Variants in NDUFS2 observed in about 807,000 individuals in gnomAD.
NDUFS2 encodes NADH:ubiquinone oxidoreductase core subunit S2.
A neutral mutation model predicts 69.6 loss-of-function variants in NDUFS2; 38 were observed. The ratio of observed to expected loss-of-function variants is 0.55; its 90% CI spans 0.42 to 0.72. The LOEUF is 0.72. Ranked by LOEUF, NDUFS2 falls within the 30% of genes least tolerant of loss-of-function variation. The probability of loss-of-function intolerance (pLI) is 0.00; values close to 1 mark genes in which losing one functional copy is unlikely to be tolerated. For synonymous variants in NDUFS2, 194 were observed against 211.2 expected, an observed-to-expected ratio of 0.92 and a Z score of 0.70; for missense variants, 468 against 595.0, an observed-to-expected ratio of 0.79 and a Z score of 2.22.
chr1:161,210,746 C>G lies in NDUFS2; in HGVS notation c.986+36C>G, dbSNP rs750694748. ...AATCCTTTCTTGGCTGATATTCCAGCTAGTTTCCCCTGCCTCACTCTTCTC... is the reference window on the plus strand; with the variant it reads ...AATCCTTTCTTGGCTGATATTCCAGGTAGTTTCCCCTGCCTCACTCTTCTC... On this transcript the variant is annotated intron_variant, in intron 9 of 13. Coordinates refer to ENST00000676972, the MANE Select transcript of NDUFS2 (RefSeq NM_001377299.1). 14 of 1,613,456 alleles carry G rather than the reference C, an allele frequency of 8.7e-6. No homozygotes were observed. The South Asian group carries it at 8.8e-5, about 10-fold the overall frequency.
intron 10 of NDUFS2, chr1:161,212,691 C>A: frequency 3.9e-6 from 2 of 511,832 alleles, no homozygotes; most frequent in Non-Finnish European, 6.8e-6. Flanking sequence ...TCCCAAGTAG[C>A]TGAGATTACA....
chr1:161,212,459 A>G lies in NDUFS2; in HGVS notation c.1095A>G (p.Pro365=), dbSNP rs6677859. 1.2e-6 allele frequency: 2 copies of G among 1,613,570 alleles called. No individual in the cohort carries two copies. The highest frequency in any genetic ancestry group is 2.7e-5 in the African/African-American group (2 of 75,008). Residue 365 remains proline (P), a synonymous_variant, in exon 10 of 14, where the codon CCA becomes CCG. Transcript: ENST00000676972. ...EIKVDDAKVS[P]PKRAEMKTSM... is the part of the protein sequence containing the mutation. ...AGGTTGATGATGCCAAAGTGTCTCC[A>G]CCTAAGCGAGCAGAGATGAAGGTTG...
At position 161,207,976 on chromosome 1, in the gene NDUFS2, ATTTTTTTTTTT is replaced by A. The variant is rs965466967; in HGVS notation, c.394-1202_394-1192del. Among the ~76,000 whole-genome samples, 8 of 88,780 alleles carry A rather than the reference ATTTTTTTTTTT, an allele frequency of 9.0e-5. 1 individual carries two copies. The highest frequency in any genetic ancestry group is 2.4e-4 in the African/African-American group (4 of 16,750). The allele number at this position is 88,780 out of a possible 152,430, so 58.2% of individuals were successfully genotyped here. On this transcript the variant is annotated intron_variant, in intron 3 of 13. Transcript: ENST00000676972. ...AGGCACGCACCACCATGCCTGGCTA[ATTTTTTTTTTT>A]TTTTTTTTTTTTTTGAGACGGAGTT...
intron 9 of NDUFS2, 114 bp from the exon 10 acceptor site, chr1:161,212,237 A>G: frequency 3.7e-6 from 5 of 1,343,318 alleles, no homozygotes; most frequent in Non-Finnish European, 5.3e-6. Context: ...GTACTTGGAG[A>G]AAAGAGTGGG....
At chr1:161,206,256 G>T in intron 2 of NDUFS2, 151 bp from the exon 3 acceptor site, 1 of 792,594 alleles carries the variant, frequency 1.3e-6, no homozygotes, top group South Asian at 1.5e-5. Flanking sequence ...CCATCTAAGA[G>T]TCCTCTTCCT....
At position 161,213,462 on chromosome 1, in the gene NDUFS2, T is replaced by C. The variant is rs775798239; in HGVS notation, c.1199T>C (p.Ile400Thr). ...QVPPGATYTA[I>T]EAPKGEFGVY... ...CCTCCAGGAGCCACATATACTGCCA[T>C]TGAGGCTCCCAAGGTAAGGAGAGGA... Residue 400 changes from isoleucine to threonine, a missense_variant, in exon 11 of 14, where the codon ATT (isoleucine) becomes ACT (threonine). By Grantham distance (89) the Ile-to-Thr change is moderately conservative. This residue lies in a region of NDUFS2 where 72 missense variants were observed against 118.9 expected (regional missense o/e 0.61). Coordinates refer to ENST00000676972, the MANE Select transcript of NDUFS2 (RefSeq NM_001377299.1). 1.2e-6 allele frequency: 2 copies of C among 1,609,964 alleles called. No individual in the cohort carries two copies. Among genetic ancestry groups the C allele is most frequent in the Admixed American group, 1.7e-5 (1 of 59,692 alleles).
upstream of NDUFS2, among the ~76,000 whole-genome samples, chr1:161,199,676 T>C (rs1665031933): frequency 6.6e-6 from 1 of 152,092 alleles, no homozygotes; most frequent in South Asian, 2.1e-4. Context: ...GGTAGGATGA[T>C]CCTGCTTGGA....
At chr1:161,209,712 A>G (rs1357707223) in intron 5 of NDUFS2, 117 bp downstream of exon 5, 2 of 1,229,638 alleles carry the variant, frequency 1.6e-6, no homozygotes, top group African/African-American at 1.5e-5. Context: ...TAGAGGGGGA[A>G]GGTATGTTTA....
rs150846222 is a variant in NDUFS2 at position 161,213,333 on chromosome 1, C to T, written c.1117-47C>T. The T allele has an allele frequency of 2.3e-5, 30 of 1,329,652 alleles. No homozygotes were observed. The African/African-American group carries it at 3.7e-4, about 17-fold the overall frequency. 82.4% of individuals were successfully genotyped at this position (1,329,652 alleles called of 1,614,324 possible). ...TCTGTGCTGGGGGAGGCCTAGGAGACAGAGTTTGGATATGGTTTATTGATG... is the reference window on the plus strand; with the variant it reads ...TCTGTGCTGGGGGAGGCCTAGGAGATAGAGTTTGGATATGGTTTATTGATG... On this transcript the variant is annotated intron_variant, in intron 10 of 13. Transcript: ENST00000676972.
intron 1 of NDUFS2, 71 bp downstream of exon 1, chr1:161,202,551 C>G: frequency 7.0e-7 from 1 of 1,423,204 alleles, no homozygotes; most frequent in South Asian, 1.2e-5. Flanking sequence ...ACGCTTTACT[C>G]CCCCAGAAAA....
At position 161,214,267 on chromosome 1, in the gene NDUFS2, C is replaced by CTT; in HGVS notation, c.*75_*76insTT. 1 of 1,127,568 alleles carries CTT rather than the reference C, an allele frequency of 8.9e-7. No individual in the cohort carries two copies. The highest frequency in any genetic ancestry group is 1.3e-6 in the Non-Finnish European group (1 of 782,322). The allele number at this position is 1,127,568 out of a possible 1,614,324, so 69.8% of individuals were successfully genotyped here. ...AGCCTGTTCCTCACTGGAAATTGGC[C>CTT]TCTGTGTGTGTGTGTGTGTGTGTGT... On this transcript the variant is annotated 3_prime_UTR_variant, in exon 14 of 14. Transcript: ENST00000676972.
chr1:161,202,062 T>C (rs910286007), upstream of NDUFS2: 27 of 447,608 alleles, frequency 6.0e-5, no homozygotes, highest in African/African-American at 5.4e-4. Context: ...GCCGCGCGTT[T>C]CCAAGATACG....
chr1:161,198,712 T>G, upstream of NDUFS2: 1 of 1,294,734 alleles, frequency 7.7e-7, no homozygotes, highest in Non-Finnish European at 1.0e-6. The surrounding 1 kb of genome is among the most constrained non-coding windows in gnomAD (Gnocchi z 4.7). Context: ...CTCCTCTCTG[T>G]AGCCTGGGGG....
At chr1:161,199,761 G>C (rs1379582852), upstream of NDUFS2, among the ~76,000 whole-genome samples, 1 of 152,008 alleles carries the variant, frequency 6.6e-6, no homozygotes, top group Non-Finnish European at 1.5e-5. Flanking sequence ...GGCGGATCCA[G>C]GGTGGCACCT....
rs754853962 is a variant in NDUFS2, at chr1:161,212,446, C to A, written c.1082C>A (p.Ala361Asp). Residue 361 changes from alanine (A) to aspartate (D), a missense_variant, in exon 10 of 14, where the codon GCC (alanine) becomes GAC (aspartate). Physicochemically the swap from Ala to Asp is moderately radical, Grantham distance 126. Around this residue, in one of 3 missense-constraint regions of NDUFS2, gnomAD observed 339 missense variants for 433.8 expected, o/e 0.78. Transcript: ENST00000676972. Reference protein sequence around the residue: ...MPPGEIKVDDAKVSPPKRAEM... With the variant: ...MPPGEIKVDDDKVSPPKRAEM... ...CCTGGGGAGATCAAGGTTGATGATG[C>A]CAAAGTGTCTCCACCTAAGCGAGCA... 45 of 1,613,630 alleles carry A rather than the reference C, an allele frequency of 2.8e-5. 2 individuals carry two copies. The South Asian group carries it at 4.7e-4, about 17-fold the overall frequency.
intron 3 of NDUFS2, among the ~76,000 whole-genome samples, chr1:161,208,595 G>A (rs1484980991): frequency 1.3e-5 from 2 of 152,218 alleles, no homozygotes. Flanking sequence ...CCACGTGCCC[G>A]GCCAAGGACT....
At chr1:161,201,321 T>C (rs184028036), upstream of NDUFS2, among the ~76,000 whole-genome samples, 45 of 152,354 alleles carry the variant, frequency 3.0e-4, no homozygotes, top group African/African-American at 1.1e-3. Context: ...TGCCTCACCC[T>C]GCTGCGCTGC....
upstream of NDUFS2, chr1:161,197,971 G>A: frequency 6.5e-7 from 1 of 1,536,232 alleles, no homozygotes; most frequent in Non-Finnish European, 8.8e-7. Flanking sequence ...GACACCGCAG[G>A]ACACAGACTC....
intron 9 of NDUFS2, among the ~76,000 whole-genome samples, chr1:161,211,821 C>T (rs1665783674): frequency 6.6e-6 from 1 of 151,778 alleles, no homozygotes; most frequent in Non-Finnish European, 1.5e-5. Flanking sequence ...TCCTGTGGTC[C>T]AAAAAGTGCT....
Sources: allele counts gnomAD v4.1 joint callset (sites outside exome capture counted in the v4.1 genomes callset), GRCh38; gene constraint gnomAD v4.1.1; regional missense constraint gnomAD v4.1.1; non-coding constraint Gnocchi (gnomAD v3.1); transcripts MANE v1.5; gene names NCBI Gene and HGNC (gene_info 2026-07-23, HGNC 2026-07-21).